Variants in CTH observed in about 807,000 individuals in gnomAD.
CTH encodes cystathionine gamma-lyase.
CTH carries 41 observed loss-of-function variants against 50.6 expected under a neutral mutation model. The ratio of observed to expected loss-of-function variants is 0.81; its 90% CI spans 0.63 to 1.05. The LOEUF is 1.05. Ranked by LOEUF, CTH falls within the 50% of genes least tolerant of loss-of-function variation. The pLI is 0.00. For missense variants in CTH, 470 were observed against 492.6 expected (o/e 0.95, Z 0.43); for synonymous variants, 156 against 168.9 (o/e 0.92, Z 0.59).
At chr1:70,426,779 G>A (rs1474869323) in intron 5 of CTH, among the ~76,000 whole-genome samples, 2 of 152,044 alleles carry the variant, frequency 1.3e-5, no homozygotes, top group Non-Finnish European at 2.9e-5. Context: ...ATTCCTTATC[G>A]CAACTCCTTA....
chr1:70,433,246 T>C (rs1262931087), intron 8 of CTH, among the ~76,000 whole-genome samples: 1 of 152,102 alleles, frequency 6.6e-6, no homozygotes, highest in Admixed American at 6.5e-5. Context: ...CAAAGCGAAA[T>C]ACATATGAAA....
chr1:70,432,113 G>A lies in CTH; in HGVS notation c.755G>A (p.Cys252Tyr), dbSNP rs1049383958. The change falls in exon 8 of 12, where the codon TGT (cysteine) becomes TAT (tyrosine). Residue 252 changes from cysteine to tyrosine, a missense_variant. By Grantham distance (194) the Cys-to-Tyr change is radical. Transcript: ENST00000370938. ...GGAGCAGTTCCATCTCCTATTGATT[G>A]TTACCTCTGCAATCGAGGTCTGAAG... ...SLGAVPSPID[C>Y]YLCNRGLKTL... is the part of the protein sequence containing the mutation. The A allele has an allele frequency of 6.2e-7, 1 of 1,614,084 alleles. No individual in the cohort carries two copies. Among genetic ancestry groups the A allele is most frequent in the East Asian group, 2.2e-5 (1 of 44,884 alleles).
intron 5 of CTH, among the ~76,000 whole-genome samples, chr1:70,427,370 G>C (rs902032419): frequency 2.0e-5 from 3 of 152,010 alleles, no homozygotes; most frequent in African/African-American, 7.3e-5. Context: ...AGCCATAAAG[G>C]TACTGATTTT....
chr1:70,429,258 A>G (rs559938076), intron 5 of CTH, among the ~76,000 whole-genome samples: 38 of 152,212 alleles, frequency 2.5e-4, no homozygotes, highest in Non-Finnish European at 5.0e-4. Context: ...GGTTGAATCC[A>G]TGGATGTGAA....
intron 1 of CTH, among the ~76,000 whole-genome samples, chr1:70,411,993 A>G (rs530054900): frequency 1.3e-5 from 2 of 152,360 alleles, no homozygotes; most frequent in East Asian, 3.9e-4. Flanking sequence ...AGCTGTATGA[A>G]TAGTTATTGA....
At chr1:70,433,704 G>A (rs1025852025) in intron 8 of CTH, 124 bp from the exon 9 acceptor site, 13 of 1,443,186 alleles carry the variant, frequency 9.0e-6, no homozygotes, top group African/African-American at 2.8e-5. Context: ...TCAGATGTGA[G>A]CATGGCATAA....
chr1:70,432,774 C>T (rs1684507764), intron 8 of CTH, among the ~76,000 whole-genome samples: 1 of 151,156 alleles, frequency 6.6e-6, no homozygotes, highest in South Asian at 2.1e-4. Context: ...ACCTCTGCCT[C>T]CCGGGTTCAA....
chr1:70,432,755 C>T (rs1420072050), intron 8 of CTH, among the ~76,000 whole-genome samples: 1 of 144,502 alleles, frequency 6.9e-6, no homozygotes, highest in Non-Finnish European at 1.5e-5. Flanking sequence ...GCAATTTCAG[C>T]TCACTGCAAC....
chr1:70,426,796 A>G (rs552726519), intron 5 of CTH, among the ~76,000 whole-genome samples: 2 of 152,294 alleles, frequency 1.3e-5, no homozygotes, highest in South Asian at 4.2e-4. Flanking sequence ...CTTAGCCCAT[A>G]TGCCACTTAC....
At position 70,418,032 on chromosome 1, in the gene CTH, G is replaced by A; in HGVS notation, c.346G>A (p.Gly116Ser). ...TATTTGTATGGATGATGTGTATGGA[G>A]GTAGGTGACCCCTCTCATTTATATT... ...QIICMDDVYG[G>S]TNRYFRQVAS... The change falls in exon 3 of 12, where the codon GGT becomes AGT. Residue 116 changes from glycine to serine, a missense_variant and splice_region_variant. Gly to Ser is a moderately conservative substitution (Grantham distance 56). Transcript: ENST00000370938. 2 of 1,613,938 alleles carry A rather than the reference G, an allele frequency of 1.2e-6. No individual in the cohort carries two copies. The highest frequency in any genetic ancestry group is 1.7e-6 in the Non-Finnish European group (2 of 1,179,916).
At chr1:70,414,779 A>T (rs1219828122) in intron 1 of CTH, among the ~76,000 whole-genome samples, 2 of 152,282 alleles carry the variant, frequency 1.3e-5, no homozygotes, top group Middle Eastern at 6.8e-3. Flanking sequence ...GACTGGATGA[A>T]TATAGCTAGC....
At chr1:70,417,789 T>C in intron 2 of CTH, 148 bp from the exon 3 acceptor site, 1 of 709,970 alleles carries the variant, frequency 1.4e-6, no homozygotes, top group East Asian at 2.7e-5. Flanking sequence ...GAAAAGGAGA[T>C]TTTGTAATGG....
chr1:70,438,527 A>C (rs1684645951), intron 10 of CTH, among the ~76,000 whole-genome samples, 161 bp from the exon 11 acceptor site: 1 of 152,228 alleles, frequency 6.6e-6, no homozygotes, highest in African/African-American at 2.4e-5. Context: ...AGAAGAGATA[A>C]GTTTCGTAAT....
rs11800827 is a variant in CTH at position 70,429,396 on chromosome 1, C to G, written c.589-398C>G. On this transcript the variant is annotated intron_variant, in intron 5 of 11. Coordinates refer to ENST00000370938, the MANE Select transcript of CTH (RefSeq NM_001902.6). ...CTAAGCAGATGAGTTTATACTTACT[C>G]TACATAAAAATTGCTGAATGTTCAT... 7.6e-3 allele frequency among the ~76,000 whole-genome samples: 1,157 copies of G among 152,244 alleles called. 10 individuals carry two copies. The highest frequency in any genetic ancestry group is 0.027 in the African/African-American group (1,107 of 41,544).
intron 5 of CTH, among the ~76,000 whole-genome samples, chr1:70,425,146 A>C (rs573759919): frequency 6.6e-6 from 1 of 152,060 alleles, no homozygotes. Context: ...TATACATATT[A>C]TTTCTCTTCT....
intron 8 of CTH, among the ~76,000 whole-genome samples, chr1:70,432,869 A>G (rs1468606705): frequency 6.6e-6 from 1 of 151,940 alleles, no homozygotes; most frequent in Non-Finnish European, 1.5e-5. Flanking sequence ...TTTTTAGTAA[A>G]GACGGGGTTT....
At chr1:70,425,230 AC>A (rs1363427305) in intron 5 of CTH, among the ~76,000 whole-genome samples, 5 of 152,080 alleles carry the variant, frequency 3.3e-5, no homozygotes. Context: ...TTGAACTTTT[AC>A]TTTATTTATT....
intron 4 of CTH, among the ~76,000 whole-genome samples, chr1:70,423,674 C>T (rs1684280331): frequency 6.6e-6 from 1 of 151,894 alleles, no homozygotes. Context: ...TACCATGTGT[C>T]TGAATTGTGG....
chr1:70,433,835 C>A lies in CTH; in HGVS notation c.885C>A (p.Pro295=), dbSNP rs1684535141. The A allele has an allele frequency of 1.2e-6, 2 of 1,613,898 alleles. No individual in the cohort carries two copies. Among genetic ancestry groups the A allele is most frequent in the Non-Finnish European group, 1.7e-6 (2 of 1,179,970 alleles). Residue 295 remains proline, a synonymous_variant, in exon 9 of 12, where the codon CCC becomes CCA. Coordinates refer to ENST00000370938, the MANE Select transcript of CTH (RefSeq NM_001902.6). ...WVEKVIYPGL[P]SHPQHELVKR... The stretch of plus-strand genomic sequence containing the variant: ...GATACCTTATGATTACAGGGCTGCC[C>A]TCTCATCCACAGCATGAGTTGGTGA...
Sources: gnomAD v4.1 joint callset for allele counts (sites outside exome capture counted in the v4.1 genomes callset) on GRCh38, gnomAD v4.1.1 for gene constraint, MANE v1.5 for transcripts, NCBI Gene and HGNC (gene_info 2026-07-23, HGNC 2026-07-21) for gene names.